The following GALNT13 variants were observed in gnomAD, a reference collection of about 807,000 sequenced individuals.
The protein encoded by GALNT13 is polypeptide N-acetylgalactosaminyltransferase 13, also known as UDP-GalNAc:polypeptide N-acetylgalactosaminyltransferase 13.
Under a neutral mutation model 64.2 loss-of-function variants are expected in GALNT13, and 28 were observed. The observed-to-expected ratio is 0.44, with a 90% CI of 0.32 to 0.60. The LOEUF is 0.60. Among genes scored for constraint, GALNT13 ranks in the 20% least tolerant of loss-of-function variants. The pLI, the probability that GALNT13 is intolerant of heterozygous loss-of-function variation, is 0.05. For synonymous variants in GALNT13, 214 were observed against 224.6 expected, an observed-to-expected ratio of 0.95 and a Z score of 0.42; for missense variants, 577 against 669.8, an observed-to-expected ratio of 0.86 and a Z score of 1.53.
In GALNT13 at chr2:153,963,851, G is replaced by T. The variant is rs561819150; in HGVS notation, c.142+19212G>T. 4.0e-5 allele frequency among the ~76,000 whole-genome samples: 6 copies of T among 148,594 alleles called. No individual in the cohort carries two copies. The South Asian group carries it at 1.3e-3, about 32-fold the overall frequency. Reference sequence around the variant, plus strand: ...CATTTTTAAAATTGGATTGCCTGTGGCTTGCCTTTTTACTTTTCTAAATGA... The same window carrying T: ...CATTTTTAAAATTGGATTGCCTGTGTCTTGCCTTTTTACTTTTCTAAATGA... On this transcript the variant is annotated intron_variant, in intron 3 of 12. Coordinates refer to ENST00000392825, the MANE Select transcript of GALNT13 (RefSeq NM_052917.4).
intron 4 of GALNT13, among the ~76,000 whole-genome samples, chr2:154,142,805 C>T (rs1298890215): frequency 6.6e-6 from 1 of 150,910 alleles, no homozygotes; most frequent in African/African-American, 2.4e-5. Context: ...AATAATTTTA[C>T]ATGTAGTCCT....
chr2:153,552,862 C>T, the GALNT13 span, among the ~76,000 whole-genome samples: 1 of 152,056 alleles, frequency 6.6e-6, no homozygotes, highest in African/African-American at 2.4e-5. Context: ...AGATCCTTTG[C>T]ATACACAGTT....
chr2:153,934,269 A>G (rs908620064), intron 2 of GALNT13, among the ~76,000 whole-genome samples: 4 of 152,192 alleles, frequency 2.6e-5, no homozygotes, highest in Admixed American at 6.6e-5. Flanking sequence ...AGCTTGCAGA[A>G]GACTGTAAAT....
chr2:153,757,386 G>T, the GALNT13 span, among the ~76,000 whole-genome samples: 1 of 152,196 alleles, frequency 6.6e-6, no homozygotes, highest in Admixed American at 6.5e-5. Context: ...TTCATTCTGT[G>T]TATATACTAC....
At chr2:153,526,055 C>T in the GALNT13 span, among the ~76,000 whole-genome samples, 3 of 152,242 alleles carry the variant, frequency 2.0e-5, no homozygotes, top group Non-Finnish European at 2.9e-5. Context: ...ACCAGGTATA[C>T]ATCTAAAGTA....
chr2:153,329,000 G>A, the GALNT13 span, among the ~76,000 whole-genome samples: 1 of 152,218 alleles, frequency 6.6e-6, no homozygotes, highest in African/African-American at 2.4e-5. Context: ...CGTAGTATCT[G>A]GGCTGGATAG....
chr2:154,453,997 C>G (rs1027470805), downstream of GALNT13: 36 of 152,128 alleles, frequency 2.4e-4, no homozygotes, highest in African/African-American at 7.9e-4. Context: ...CTTCATTAAG[C>G]TAAAAATGGT....
At chr2:153,603,867 A>G in the GALNT13 span, among the ~76,000 whole-genome samples, 1 of 152,012 alleles carries the variant, frequency 6.6e-6, no homozygotes, top group African/African-American at 2.4e-5. Context: ...TTCTAGGCTT[A>G]TATTGAAAAC....
At chr2:153,866,160 G>T in the GALNT13 span, among the ~76,000 whole-genome samples, 5 of 115,962 alleles carry the variant, frequency 4.3e-5, no homozygotes, top group Admixed American at 9.2e-5. Context: ...GGGGACTGTT[G>T]TGGGGTGGGG....
chr2:153,070,883 T>C, the GALNT13 span, among the ~76,000 whole-genome samples: 4 of 152,224 alleles, frequency 2.6e-5, no homozygotes, highest in African/African-American at 9.6e-5. Flanking sequence ...GAAATATCAC[T>C]AATCTTGGTC....
rs180741067 is a variant in GALNT13, at chr2:153,895,440, G to A, written c.-176-5496G>A. Among the ~76,000 whole-genome samples the A allele has an allele frequency of 2.6e-3, 393 of 151,916 alleles. 6 individuals carry two copies. The highest frequency in any genetic ancestry group is 9.0e-3 in the African/African-American group (371 of 41,396). Reference sequence around the variant, plus strand: ...AGTTGCTTTGTTTCCATGCCTTTCCGTATAAACAATTTTTCATTTCAGTGT... The same window carrying A: ...AGTTGCTTTGTTTCCATGCCTTTCCATATAAACAATTTTTCATTTCAGTGT... On this transcript the variant is annotated intron_variant, in intron 1 of 12. Coordinates refer to ENST00000392825, the MANE Select transcript of GALNT13 (RefSeq NM_052917.4).
chr2:154,075,480 A>C (rs1206582402), intron 3 of GALNT13, among the ~76,000 whole-genome samples: 19 of 151,860 alleles, frequency 1.3e-4, no homozygotes, highest in Non-Finnish European at 1.5e-5. Context: ...CCTCTATAAC[A>C]GTTTTAGTTA....
chr2:153,097,860 G>A, the GALNT13 span, among the ~76,000 whole-genome samples: 1 of 152,144 alleles, frequency 6.6e-6, no homozygotes, highest in South Asian at 2.1e-4. Context: ...AAGGTCAGGA[G>A]TTTGAGACCG....
At chr2:153,295,136 A>C in the GALNT13 span, among the ~76,000 whole-genome samples, 16 of 152,130 alleles carry the variant, frequency 1.1e-4, no homozygotes, top group Non-Finnish European at 1.6e-4. Context: ...ATCCTCTCTG[A>C]ATATTTCAGA....
the GALNT13 span, among the ~76,000 whole-genome samples, chr2:153,162,392 A>G: frequency 6.6e-6 from 1 of 152,210 alleles, no homozygotes; most frequent in African/African-American, 2.4e-5. Flanking sequence ...AACAGGAAGC[A>G]CTAGCATAAA....
At chr2:154,350,604 G>T (rs1163457376) in intron 9 of GALNT13, among the ~76,000 whole-genome samples, 1 of 152,168 alleles carries the variant, frequency 6.6e-6, no homozygotes, top group East Asian at 1.9e-4. Context: ...CCGTGTGACT[G>T]TGTCAGTCAA....
the GALNT13 span, among the ~76,000 whole-genome samples, chr2:153,217,130 A>G: frequency 6.6e-6 from 1 of 151,868 alleles, no homozygotes. Flanking sequence ...ATACATGTGT[A>G]TATTTCTGGA....
At chr2:154,168,471 A>C (rs565328477) in intron 4 of GALNT13, among the ~76,000 whole-genome samples, 1 of 152,142 alleles carries the variant, frequency 6.6e-6, no homozygotes, top group South Asian at 2.1e-4. Flanking sequence ...CATCTAAAAT[A>C]ATGTTTGACC....
chr2:154,038,518 G>C (rs546720917), intron 3 of GALNT13, among the ~76,000 whole-genome samples: 12 of 152,078 alleles, frequency 7.9e-5, no homozygotes, highest in Non-Finnish European at 1.6e-4. Flanking sequence ...GCTGGGGAAT[G>C]GGTACCCTTT....
Sources: gnomAD v4.1 joint callset for allele counts (sites outside exome capture counted in the v4.1 genomes callset) on GRCh38, gnomAD v4.1.1 for gene constraint, MANE v1.5 for transcripts, NCBI Gene and HGNC (gene_info 2026-07-23, HGNC 2026-07-21) for gene names.